The following LMNTD1 variants were observed in gnomAD, a reference collection of about 807,000 sequenced individuals.
The protein encoded by LMNTD1 is lamin tail domain-containing protein 1.
A neutral mutation model predicts 50.9 loss-of-function variants in LMNTD1; 35 were observed. The ratio of observed to expected loss-of-function variants is 0.69; its 90% CI spans 0.53 to 0.91. The LOEUF (loss-of-function observed/expected upper bound fraction) is 0.91. Among genes scored for constraint, LMNTD1 ranks in the 40% least tolerant of loss-of-function variants. LMNTD1 has a pLI of 0.00. For missense variants in LMNTD1, 470 were observed against 475.5 expected, an observed-to-expected ratio of 0.99 and a Z score of 0.11; for synonymous variants, 153 against 161.9, an observed-to-expected ratio of 0.94 and a Z score of 0.42.
At chr12:25,596,157 T>C (rs1223631277) in intron 1 of LMNTD1, among the ~76,000 whole-genome samples, 2 of 151,594 alleles carry the variant, frequency 1.3e-5, no homozygotes, top group Non-Finnish European at 3.0e-5. Flanking sequence ...CAAAGAAGAA[T>C]TGGTACCAAT....
chr12:25,488,536 A>C (rs1938748024), intron 9 of LMNTD1, among the ~76,000 whole-genome samples: 1 of 146,768 alleles, frequency 6.8e-6, no homozygotes, highest in Non-Finnish European at 1.5e-5. Context: ...ACATTCTTCT[A>C]AATTTTTTTC....
At chr12:25,537,352 C>T (rs1000576047) in intron 4 of LMNTD1, among the ~76,000 whole-genome samples, 6 of 152,346 alleles carry the variant, frequency 3.9e-5, no homozygotes, top group African/African-American at 7.2e-5. Context: ...AGCAGGGGTT[C>T]TCCCAGTACG....
chr12:25,637,259 G>C (rs1946855589), intron 1 of LMNTD1, among the ~76,000 whole-genome samples: 1 of 152,138 alleles, frequency 6.6e-6, no homozygotes, highest in African/African-American at 2.4e-5. Flanking sequence ...GCAAGCAACA[G>C]AAAATGCCTT....
At chr12:25,547,533 T>C (rs1943505690) in intron 3 of LMNTD1, among the ~76,000 whole-genome samples, 2 of 151,830 alleles carry the variant, frequency 1.3e-5, no homozygotes, top group African/African-American at 2.4e-5. Flanking sequence ...TAAGACAATC[T>C]AGAGTTTAAA....
At chr12:25,531,027 C>T (rs1443272634) in intron 4 of LMNTD1, among the ~76,000 whole-genome samples, 2 of 152,134 alleles carry the variant, frequency 1.3e-5, no homozygotes, top group East Asian at 3.9e-4. Context: ...TGAGATGTAG[C>T]GGCCCATCTG....
intron 9 of LMNTD1, among the ~76,000 whole-genome samples, chr12:25,492,908 T>C (rs925607820): frequency 6.6e-6 from 1 of 152,124 alleles, no homozygotes; most frequent in Admixed American, 6.6e-5. Flanking sequence ...TCCTTGTTCC[T>C]TCTTTTATTC....
At chr12:25,640,383 T>C (rs901438220) in intron 1 of LMNTD1, among the ~76,000 whole-genome samples, 1 of 151,722 alleles carries the variant, frequency 6.6e-6, no homozygotes, top group Admixed American at 6.6e-5. Flanking sequence ...GGCATGTCTA[T>C]AGGCCTAACC....
At chr12:25,575,470 A>T (rs1338107652) in intron 1 of LMNTD1, among the ~76,000 whole-genome samples, 3 of 152,184 alleles carry the variant, frequency 2.0e-5, no homozygotes, top group Non-Finnish European at 2.9e-5. Flanking sequence ...AATGCCATTG[A>T]TTGTACCATG....
Position 25,553,001 on chromosome 12 carries a change from G to T in LMNTD1, c.-30-12C>A, listed in dbSNP as rs1943864448. The T allele has an allele frequency of 6.2e-7, 1 of 1,604,302 alleles. No homozygotes were observed. Among genetic ancestry groups the T allele is most frequent in the Non-Finnish European group, 8.5e-7 (1 of 1,171,304 alleles). On this transcript the variant is annotated splice_polypyrimidine_tract_variant and intron_variant, in intron 1 of 9. Transcript: ENST00000458174. ...GTCTCTTTTCTTTCCTAGGAAAGCA[G>T]ATCATGACATCAGATGACGAATATG...
At chr12:25,525,908 A>G (rs1430262029) in intron 6 of LMNTD1, among the ~76,000 whole-genome samples, 191 bp downstream of exon 6, 2 of 152,064 alleles carry the variant, frequency 1.3e-5, no homozygotes, top group African/African-American at 4.8e-5. Context: ...CCCCAAAACG[A>G]CTGAAATTAA....
At chr12:25,531,510 A>C (rs575514096) in intron 4 of LMNTD1, among the ~76,000 whole-genome samples, 12 of 152,286 alleles carry the variant, frequency 7.9e-5, no homozygotes, top group South Asian at 6.2e-4. Context: ...GTTTCTTTGA[A>C]GGTAAATGTC....
intron 4 of LMNTD1, among the ~76,000 whole-genome samples, chr12:25,542,502 A>T (rs1943154895): frequency 6.8e-6 from 1 of 147,264 alleles, no homozygotes; most frequent in Non-Finnish European, 1.5e-5. Context: ...ATTCTCACTC[A>T]TAGGTGGGAA....
intron 4 of LMNTD1, among the ~76,000 whole-genome samples, chr12:25,543,756 T>G (rs374881416): frequency 3.1e-4 from 47 of 152,028 alleles, no homozygotes; most frequent in African/African-American, 9.6e-4. Context: ...CTGCTTTTTT[T>G]TGTGTCCCAG....
intron 1 of LMNTD1, among the ~76,000 whole-genome samples, chr12:25,645,967 G>A (rs1947061696): frequency 6.6e-6 from 1 of 152,144 alleles, no homozygotes; most frequent in African/African-American, 2.4e-5. Flanking sequence ...CACTCAGAAG[G>A]ACAATGAAAG....
intron 4 of LMNTD1, among the ~76,000 whole-genome samples, chr12:25,542,713 A>G (rs532878958): frequency 2.0e-4 from 30 of 148,820 alleles, no homozygotes; most frequent in Non-Finnish European, 4.2e-4. Flanking sequence ...CTAAAACTTA[A>G]AGTATAATAA....
intron 1 of LMNTD1, among the ~76,000 whole-genome samples, chr12:25,562,857 A>T (rs1302189736): frequency 2.6e-5 from 4 of 151,850 alleles, no homozygotes; most frequent in Admixed American, 1.3e-4. Context: ...TTTTCTCTAA[A>T]CTTCTCTTCT....
At chr12:25,619,816 C>T (rs1049800220) in intron 1 of LMNTD1, among the ~76,000 whole-genome samples, 2 of 152,220 alleles carry the variant, frequency 1.3e-5, no homozygotes, top group Non-Finnish European at 2.9e-5. Context: ...TTGGGCATAA[C>T]TAATGCGAAA....
chr12:25,579,566 C>T (rs780238993), intron 1 of LMNTD1, among the ~76,000 whole-genome samples: 1 of 152,124 alleles, frequency 6.6e-6, no homozygotes, highest in East Asian at 1.9e-4. Context: ...TACTAATTGC[C>T]TCTTTGACTT....
At chr12:25,562,935 T>C (rs1295877521) in intron 1 of LMNTD1, among the ~76,000 whole-genome samples, 2 of 152,256 alleles carry the variant, frequency 1.3e-5, no homozygotes, top group African/African-American at 4.8e-5. Context: ...AATCAGCTAC[T>C]GAAGCTTGTG....
Sources: gnomAD v4.1 joint callset for allele counts (sites outside exome capture counted in the v4.1 genomes callset) on GRCh38, gnomAD v4.1.1 for gene constraint, MANE v1.5 for transcripts, NCBI Gene and HGNC (gene_info 2026-07-23, HGNC 2026-07-21) for gene names.